Variants in UVRAG observed in about 807,000 individuals in gnomAD.
UVRAG encodes UV radiation resistance-associated gene protein.
In UVRAG, 19 loss-of-function variants were observed where a neutral mutation model predicts 78.0. The observed-to-expected ratio is 0.24, with a 90% confidence interval of 0.17 to 0.36. The LOEUF (loss-of-function observed/expected upper bound fraction) is 0.36, where lower values mean the gene tolerates loss of function less well. Among genes scored for constraint, UVRAG ranks in the 10% least tolerant of loss-of-function variants. UVRAG has a pLI of 1.00. For synonymous variants in UVRAG, 323 were observed against 324.6 expected (o/e 1.00, Z 0.05); for missense variants, 740 against 853.8 (o/e 0.87, Z 1.66).
chr11:75,930,885 G>A (rs538334915), intron 6 of UVRAG: 3 of 152,200 alleles, frequency 2.0e-5, no homozygotes, highest in South Asian at 4.1e-4. Flanking sequence ...TGGTGAAAAC[G>A]ATCTCTGGTA....
At chr11:75,978,391 T>C (rs1949302714) in intron 7 of UVRAG, among the ~76,000 whole-genome samples, 1 of 152,188 alleles carries the variant, frequency 6.6e-6, no homozygotes, top group African/African-American at 2.4e-5. Flanking sequence ...GTTCTCTGTA[T>C]TTCCTGAATT....
intron 6 of UVRAG, among the ~76,000 whole-genome samples, chr11:75,929,168 C>T (rs535940593): frequency 1.6e-4 from 24 of 152,110 alleles, no homozygotes; most frequent in Non-Finnish European, 2.8e-4. Context: ...CCATATGAAT[C>T]GTGGAGATTG....
intron 2 of UVRAG, among the ~76,000 whole-genome samples, chr11:75,856,615 T>G (rs1946299370): frequency 6.6e-6 from 1 of 152,024 alleles, no homozygotes; most frequent in South Asian, 2.1e-4. Context: ...TGGCTAATTT[T>G]TTGTTGTTGT....
intron 13 of UVRAG, among the ~76,000 whole-genome samples, chr11:76,074,734 T>TTTTTAA (rs1484661812): frequency 6.6e-6 from 1 of 152,228 alleles, no homozygotes; most frequent in Non-Finnish European, 1.5e-5. Flanking sequence ...TTTGTTTTTC[T>TTTTTAA]TTTTAATTTG....
At chr11:75,956,341 G>A (rs553924633) in intron 6 of UVRAG, among the ~76,000 whole-genome samples, 4 of 151,044 alleles carry the variant, frequency 2.6e-5, no homozygotes, top group African/African-American at 9.7e-5. Flanking sequence ...TCTAAAAAAT[G>A]GCACTATTAT....
At chr11:75,876,020 A>G (rs1469892867) in intron 3 of UVRAG, among the ~76,000 whole-genome samples, 2 of 150,390 alleles carry the variant, frequency 1.3e-5, no homozygotes, top group African/African-American at 5.0e-5. Context: ...CCCCAAAAAG[A>G]AAAAAAGAAA....
intron 1 of UVRAG, among the ~76,000 whole-genome samples, chr11:75,842,202 G>A (rs565455896): frequency 6.6e-6 from 1 of 152,264 alleles, no homozygotes; most frequent in East Asian, 1.9e-4. Context: ...CACATTTAAG[G>A]GGGAGGAGAC....
intron 4 of UVRAG, among the ~76,000 whole-genome samples, chr11:75,883,675 T>C (rs1450454055): frequency 6.6e-6 from 1 of 152,208 alleles, no homozygotes; most frequent in African/African-American, 2.4e-5. Flanking sequence ...GGTGTACTGA[T>C]GATTGATGAA....
At chr11:75,999,574 T>C (rs567044453) in intron 8 of UVRAG, among the ~76,000 whole-genome samples, 54 of 151,826 alleles carry the variant, frequency 3.6e-4, no homozygotes, top group Non-Finnish European at 5.0e-4. Context: ...AGAGACGGGG[T>C]TTCACTATGT....
At chr11:76,027,639 C>T (rs1591150112) in intron 12 of UVRAG, among the ~76,000 whole-genome samples, 2 of 152,034 alleles carry the variant, frequency 1.3e-5, no homozygotes, top group South Asian at 4.1e-4. Flanking sequence ...TAAATAAGCG[C>T]AGTGCTTGGC....
At chr11:76,003,130 C>T (rs577334785) in intron 8 of UVRAG, among the ~76,000 whole-genome samples, 1 of 151,924 alleles carries the variant, frequency 6.6e-6, no homozygotes, top group East Asian at 1.9e-4. Context: ...GTGAAATATT[C>T]CTGTAATTCA....
At chr11:75,978,457 G>T (rs1037499671) in intron 7 of UVRAG, among the ~76,000 whole-genome samples, 2 of 152,186 alleles carry the variant, frequency 1.3e-5, no homozygotes, top group Non-Finnish European at 2.9e-5. Flanking sequence ...ATATCCTGCA[G>T]AGTGTTTTCC....
intron 3 of UVRAG, among the ~76,000 whole-genome samples, chr11:75,862,179 C>T (rs571176861): frequency 6.4e-4 from 97 of 152,310 alleles, no homozygotes; most frequent in Non-Finnish European, 1.1e-3. Flanking sequence ...CTATAGTTTT[C>T]TCACTTCCAT....
intron 12 of UVRAG, among the ~76,000 whole-genome samples, chr11:76,018,373 G>C (rs1950184052): frequency 6.6e-6 from 1 of 151,324 alleles, no homozygotes; most frequent in African/African-American, 2.4e-5. Flanking sequence ...GATTGCTAAT[G>C]TAATCCAATT....
chr11:76,065,793 GTCTC>G lies in UVRAG; in HGVS notation c.1305+7_1305+10del. The G allele has an allele frequency of 6.2e-7, 1 of 1,612,974 alleles. No individual in the cohort carries two copies. Among genetic ancestry groups the G allele is most frequent in the Non-Finnish European group, 8.5e-7 (1 of 1,179,334 alleles). On this transcript the variant is annotated splice_donor_region_variant and intron_variant, in intron 13 of 14. Transcript: ENST00000356136. ...CTGAACAAAAATATAGCACAGGTAA[GTCTC>G]TGTTCTTCACTTCTCTCCTACTTCC... is the stretch of plus-strand genomic sequence containing the variant.
rs777378031 is a variant in UVRAG at position 76,115,942 on chromosome 11, C to T, written c.1324C>T (p.Leu442=). Reference sequence around the variant, plus strand: ...TTCACAGCTAAGATATCAACATGGACTAGGGACTCCAGACTTGCGGCAAAC... The same window carrying T: ...TTCACAGCTAAGATATCAACATGGATTAGGGACTCCAGACTTGCGGCAAAC... The part of the protein sequence containing the change: ...NIAQLRYQHG[L]GTPDLRQTLP... Residue 442 remains leucine, a synonymous_variant, in exon 14 of 15, where the codon CTA becomes TTA. Coordinates refer to ENST00000356136, the MANE Select transcript of UVRAG (RefSeq NM_003369.4). 6.2e-7 allele frequency: 1 copy of T among 1,613,858 alleles called. No individual in the cohort carries two copies. The highest frequency in any genetic ancestry group is 2.2e-5 in the East Asian group (1 of 44,876).
At chr11:75,899,963 G>C (rs1357375934) in intron 5 of UVRAG, among the ~76,000 whole-genome samples, 1 of 152,022 alleles carries the variant, frequency 6.6e-6, no homozygotes, top group Non-Finnish European at 1.5e-5. Context: ...ATCTTATCCT[G>C]TAATTCATAT....
At chr11:75,863,275 ATAGT>A (rs1946462096) in intron 3 of UVRAG, among the ~76,000 whole-genome samples, 1 of 152,220 alleles carries the variant, frequency 6.6e-6, no homozygotes, top group African/African-American at 2.4e-5. Flanking sequence ...TTGATGTATA[ATAGT>A]TACTGAGTAA....
chr11:76,112,180 C>G (rs909325223), intron 13 of UVRAG, among the ~76,000 whole-genome samples: 6 of 152,002 alleles, frequency 3.9e-5, no homozygotes, highest in African/African-American at 1.2e-4. Context: ...GAAGAAAGTC[C>G]TAAAAGCTTC....
Sources: allele counts gnomAD v4.1 joint callset (sites outside exome capture counted in the v4.1 genomes callset), GRCh38; gene constraint gnomAD v4.1.1; transcripts MANE v1.5; gene names NCBI Gene and HGNC (gene_info 2026-07-23, HGNC 2026-07-21).